Variants in OPRM1 observed in about 807,000 individuals in gnomAD.
The protein encoded by OPRM1 is opioid receptor mu 1, also known as mu-type opioid receptor.
In OPRM1, 27 loss-of-function variants were observed where a neutral mutation model predicts 31.8. The ratio of observed to expected loss-of-function variants is 0.85; its 90% CI spans 0.63 to 1.17. OPRM1 has a LOEUF of 1.17. Ranked by LOEUF, OPRM1 falls within the 50% of genes most tolerant of loss-of-function variation. The pLI is 0.00. For missense variants in OPRM1, 536 were observed against 511.1 expected, an observed-to-expected ratio of 1.05 and a Z score of -0.47; for synonymous variants, 196 against 189.9, an observed-to-expected ratio of 1.03 and a Z score of -0.26.
chr6:154,176,608 A>G (rs1050702019), intron 3 of OPRM1, among the ~76,000 whole-genome samples: 1 of 152,224 alleles, frequency 6.6e-6, no homozygotes, highest in Non-Finnish European at 1.5e-5. Flanking sequence ...AATCCAATTT[A>G]CAAGGGATAT....
chr6:154,178,725 T>C (rs1195457425), intron 3 of OPRM1, among the ~76,000 whole-genome samples: 1 of 152,172 alleles, frequency 6.6e-6, no homozygotes, highest in Admixed American at 6.5e-5. Context: ...AAAAATGAGA[T>C]AATGGCAAGA....
chr6:154,152,368 GAAAGAAAGAAAGAAAGAA>G (rs1798554035), intron 3 of OPRM1, among the ~76,000 whole-genome samples: 1 of 146,682 alleles, frequency 6.8e-6, no homozygotes, highest in African/African-American at 2.7e-5. Context: ...AAGAAAGAAA[GAAAGAAAGAAAGAAAGAA>G]AGAAAGAGAA....
At chr6:154,017,692 A>T (rs902135765) in intron 1 of OPRM1, among the ~76,000 whole-genome samples, 2 of 152,120 alleles carry the variant, frequency 1.3e-5, no homozygotes, top group African/African-American at 4.8e-5. Context: ...CCTCCCCAAC[A>T]CCTAACTTCC....
chr6:154,167,176 C>A (rs565106062), intron 3 of OPRM1, among the ~76,000 whole-genome samples: 1 of 152,216 alleles, frequency 6.6e-6, no homozygotes, highest in Non-Finnish European at 1.5e-5. Flanking sequence ...TCAGATAAAT[C>A]GTCTGCTAAA....
intron 3 of OPRM1, among the ~76,000 whole-genome samples, chr6:154,174,644 C>A (rs939805056): frequency 3.3e-5 from 5 of 152,108 alleles, no homozygotes; most frequent in Admixed American, 2.0e-4. Context: ...TATATGCACC[C>A]AATACAGGAG....
intron 3 of OPRM1, among the ~76,000 whole-genome samples, chr6:154,096,204 G>A (rs1276807824): frequency 1.3e-5 from 2 of 152,052 alleles, no homozygotes; most frequent in Non-Finnish European, 2.9e-5. Context: ...TTACAGGCAT[G>A]CGCCACCACA....
At chr6:154,057,723 G>A (rs1471547346) in intron 1 of OPRM1, among the ~76,000 whole-genome samples, 3 of 152,204 alleles carry the variant, frequency 2.0e-5, no homozygotes, top group Non-Finnish European at 1.5e-5. Context: ...GAAGAGCAGA[G>A]TCCTGTATGA....
intron 1 of OPRM1, chr6:154,087,133 A>G: frequency 1.0e-6 from 1 of 985,430 alleles, no homozygotes; most frequent in Non-Finnish European, 1.2e-6. Flanking sequence ...TAAGTCCAAA[A>G]AAAAGCCCCC....
intron 1 of OPRM1, among the ~76,000 whole-genome samples, chr6:154,066,525 C>CA (rs138196011): frequency 6.6e-6 from 1 of 151,608 alleles, no homozygotes; most frequent in East Asian, 1.9e-4. Context: ...CCATCCCCCC[C>CA]AAAAAAAATC....
intron 1 of OPRM1, among the ~76,000 whole-genome samples, chr6:154,020,096 C>T (rs1778275462): frequency 6.6e-6 from 1 of 152,154 alleles, no homozygotes; most frequent in Admixed American, 6.5e-5. Context: ...ACAGTTTATC[C>T]ATTCACCTAC....
intron 3 of OPRM1, among the ~76,000 whole-genome samples, chr6:154,166,314 G>A (rs544954873): frequency 1.6e-4 from 25 of 152,326 alleles, no homozygotes; most frequent in African/African-American, 3.4e-4. Flanking sequence ...GCATGGTGCC[G>A]TAAAGATCTA....
At chr6:154,081,554 A>G (rs1326374018) in intron 1 of OPRM1, among the ~76,000 whole-genome samples, 2 of 152,160 alleles carry the variant, frequency 1.3e-5, no homozygotes, top group Non-Finnish European at 2.9e-5. Flanking sequence ...AAGGATATGG[A>G]AAAAACTCAG....
intron 3 of OPRM1, among the ~76,000 whole-genome samples, chr6:154,149,539 G>T (rs910714933): frequency 1.5e-4 from 22 of 151,528 alleles, no homozygotes; most frequent in African/African-American, 5.3e-4. Flanking sequence ...ACTGAACAAG[G>T]GATTGTGACT....
chr6:154,182,981 T>C (rs1011451775), intron 3 of OPRM1, among the ~76,000 whole-genome samples: 1 of 134,780 alleles, frequency 7.4e-6, no homozygotes, highest in Non-Finnish European at 1.6e-5. Context: ...CCTTATCTTT[T>C]TTTTTTCTTT....
At chr6:154,148,782 C>T (rs940824793) in intron 3 of OPRM1, among the ~76,000 whole-genome samples, 3 of 152,198 alleles carry the variant, frequency 2.0e-5, no homozygotes, top group African/African-American at 4.8e-5. Flanking sequence ...CCATTCATCA[C>T]CAGCTTTCAG....
Position 154,131,542 on chromosome 6 carries a change from G to A in OPRM1, c.*12821G>A, listed in dbSNP as rs543868803. ...AAGATAGACCCCTGCTGCTCTGCAC[G>A]TAGATTCAGTTTGTATGCCAGGGTG... is the stretch of plus-strand genomic sequence containing the variant. On this transcript the variant is annotated 3_prime_UTR_variant, in exon 4 of 4. Transcript: ENST00000330432. Among the ~76,000 whole-genome samples, 119 of 152,262 alleles carry A rather than the reference G, an allele frequency of 7.8e-4. No individual in the cohort carries two copies. Among genetic ancestry groups the A allele is most frequent in the Non-Finnish European group, 1.3e-3 (87 of 68,028 alleles).
chr6:154,115,858 G>A (rs114251942), intron 3 of OPRM1, among the ~76,000 whole-genome samples: 68 of 152,298 alleles, frequency 4.5e-4, no homozygotes, highest in Admixed American at 7.2e-4. Context: ...AGGGCCCACC[G>A]TCGCTAGATA....
intron 1 of OPRM1, among the ~76,000 whole-genome samples, chr6:154,076,257 C>T (rs1448816278): frequency 6.6e-6 from 1 of 152,080 alleles, no homozygotes; most frequent in Non-Finnish European, 1.5e-5. Context: ...AACACACCCA[C>T]CACAGGTAGT....
chr6:154,028,167 A>G (rs1778807367), intron 1 of OPRM1, among the ~76,000 whole-genome samples: 1 of 152,144 alleles, frequency 6.6e-6, no homozygotes, highest in South Asian at 2.1e-4. Context: ...CTGGTTATTC[A>G]GGGCCCAAGG....
Sources: allele counts gnomAD v4.1 joint callset (sites outside exome capture counted in the v4.1 genomes callset), GRCh38; gene constraint gnomAD v4.1.1; transcripts MANE v1.5; gene names NCBI Gene and HGNC (gene_info 2026-07-23, HGNC 2026-07-21).